HTT: variants seen among roughly 807,000 people sequenced by gnomAD.
HTT encodes the protein huntington disease protein.
In HTT, 104 loss-of-function variants were observed where a neutral mutation model predicts 362.3. That is an observed-to-expected ratio of 0.29 (90% CI 0.24 to 0.34). HTT has a LOEUF of 0.34. Among genes scored for constraint, HTT ranks in the 10% least tolerant of loss-of-function variants. HTT has a pLI of 1.00. For missense variants in HTT, 3,301 were observed against 3,928.6 expected, an observed-to-expected ratio of 0.84 and a Z score of 4.27; for synonymous variants, 1,577 against 1,548.7, an observed-to-expected ratio of 1.02 and a Z score of -0.43.
intron 65 of HTT, 67 bp downstream of exon 65, chr4:3,238,676 A>G (rs1721657857): frequency 1.3e-6 from 2 of 1,520,938 alleles, no homozygotes; most frequent in Non-Finnish European, 1.8e-6. Flanking sequence ...CCGACTTCCC[A>G]GCAGATTCGC....
chr4:3,146,961 A>G lies in HTT; in HGVS notation c.3295+13A>G. On this transcript the variant is annotated intron_variant, in intron 25 of 66. Coordinates refer to ENST00000355072, the MANE Select transcript of HTT (RefSeq NM_001388492.1). The stretch of plus-strand genomic sequence containing the variant: ...AACTTGCTTGCAGGTACTGGTACTG[A>G]GTTGAAACAGGGACTCCAGGACTTG... 1 of 1,613,944 alleles carries G rather than the reference A, an allele frequency of 6.2e-7. No homozygotes were observed. Among genetic ancestry groups the G allele is most frequent in the Non-Finnish European group, 8.5e-7 (1 of 1,179,806 alleles).
chr4:3,202,879 C>T (rs577057036), intron 41 of HTT: 11 of 152,372 alleles, frequency 7.2e-5, no homozygotes, highest in African/African-American at 2.6e-4. Context: ...ACAATCACGT[C>T]CCTGTAGTTC....
rs1287082355 is a variant in HTT at position 3,146,798 on chromosome 4, G to C, written c.3145G>C (p.Val1049Leu). The C allele has an allele frequency of 6.2e-7, 1 of 1,613,562 alleles. No individual in the cohort carries two copies. Among genetic ancestry groups the C allele is most frequent in the South Asian group, 1.1e-5 (1 of 91,076 alleles). ...GACTTTGCAAATGTCTGCTTCCAGAGTGCCTCCACTGAGTGCCTCAGATGA... is the reference window on the plus strand; with the variant it reads ...GACTTTGCAAATGTCTGCTTCCAGACTGCCTCCACTGAGTGCCTCAGATGA... ...CIWSLGWHCG[V>L]PPLSASDESR... The change falls in exon 25 of 67, where the codon GTG becomes CTG. Residue 1049 changes from valine (V) to leucine (L), a missense_variant and splice_region_variant. Physicochemically the swap from Val to Leu is conservative, Grantham distance 32. Transcript: ENST00000355072.
chr4:3,172,613 A>G (rs1718044841), intron 30 of HTT, among the ~76,000 whole-genome samples: 1 of 152,176 alleles, frequency 6.6e-6, no homozygotes, highest in African/African-American at 2.4e-5. Context: ...AGGGCAGAGG[A>G]CACCAGAAGC....
rs751132950 is a variant in HTT, at chr4:3,222,386, G to T, written c.7370-1G>T. The T allele has an allele frequency of 6.2e-7, 1 of 1,613,034 alleles. No individual in the cohort carries two copies. Among genetic ancestry groups the T allele is most frequent in the Non-Finnish European group, 8.5e-7 (1 of 1,179,076 alleles). On this transcript the variant is annotated splice_acceptor_variant, in intron 53 of 66. Transcript: ENST00000355072. LOFTEE classifies it high-confidence loss of function. Reference sequence around the variant, plus strand: ...CTCTCATGTAACATTTATATTTCTAGGCTGGACCAGTCGTACTCAGTTTGA... The same window carrying T: ...CTCTCATGTAACATTTATATTTCTATGCTGGACCAGTCGTACTCAGTTTGA...
chr4:3,115,339 A>G lies in HTT; in HGVS notation c.783A>G (p.Ser261=), dbSNP rs1330307491. 4 of 1,614,086 alleles carry G rather than the reference A, an allele frequency of 2.5e-6. No individual in the cohort carries two copies. The highest frequency in any genetic ancestry group is 3.4e-6 in the Non-Finnish European group (4 of 1,180,032). ...LLKAFIANLK[S]SSPTIRRTAA... ...AGGCCTTCATAGCGAACCTGAAGTCAAGCTCCCCCACCATTCGGCGGACAG... is the reference window on the plus strand; with the variant it reads ...AGGCCTTCATAGCGAACCTGAAGTCGAGCTCCCCCACCATTCGGCGGACAG... The change falls in exon 7 of 67, where the codon TCA becomes TCG. Residue 261 remains serine (S), a synonymous_variant. Coordinates refer to ENST00000355072, the MANE Select transcript of HTT (RefSeq NM_001388492.1).
chr4:3,233,220 C>T lies in HTT; in HGVS notation c.8323C>T (p.His2775Tyr), dbSNP rs762976117. Residue 2775 changes from histidine to tyrosine, a missense_variant, in exon 61 of 67, where the codon CAC (histidine) becomes TAC (tyrosine). By Grantham distance (83) the His-to-Tyr change is moderately conservative. Coordinates refer to ENST00000355072, the MANE Select transcript of HTT (RefSeq NM_001388492.1). ...RLLESTLRSS[H>Y]LPSRVGALHG... ...GCTGGAGAGCACGCTCAGGAGCAGC[C>T]ACCTGCCCAGCAGGGTTGGAGCCCT... 3.7e-6 allele frequency: 6 copies of T among 1,603,058 alleles called. No homozygotes were observed. Among genetic ancestry groups the T allele is most frequent in the Non-Finnish European group, 5.1e-6 (6 of 1,171,366 alleles).
Position 3,182,461 on chromosome 4 carries a change from C to A in HTT, c.4857C>A (p.Ala1619=). The change falls in exon 37 of 67, where the codon GCC becomes GCA. Residue 1619 remains alanine, a synonymous_variant. Coordinates refer to ENST00000355072, the MANE Select transcript of HTT (RefSeq NM_001388492.1). ...CTGACATCATCCTCCCAATGTTAGC[C>A]AAACAGCAGGTTTGTCCCCGCAGCC... is the stretch of plus-strand genomic sequence containing the variant. The part of the protein sequence containing the change: ...QIADIILPML[A]KQQMHIDSHE... 6.2e-7 allele frequency: 1 copy of A among 1,609,602 alleles called. No homozygotes were observed. The highest frequency in any genetic ancestry group is 1.1e-5 in the South Asian group (1 of 90,956).
At chr4:3,082,227 G>A (rs927627093) in intron 1 of HTT, among the ~76,000 whole-genome samples, 1 of 152,106 alleles carries the variant, frequency 6.6e-6, no homozygotes, top group Non-Finnish European at 1.5e-5. Flanking sequence ...AGGACTTTTG[G>A]AGATGTAAAG....
chr4:3,118,630 G>A (rs116257298), intron 8 of HTT, among the ~76,000 whole-genome samples: 1,566 of 152,292 alleles, frequency 0.01, 42 homozygotes, highest in Admixed American at 0.052. Flanking sequence ...TAGCAAGAGT[G>A]CTGGTTACGG....
Position 3,238,498 on chromosome 4 carries a change from C to G in HTT, c.8943C>G (p.Pro2981=). ...CEARVVARIL[P]QFLDDFFPPQ... ...CCAGAGTGGTGGCCAGGATCCTGCC[C>G]CAGTTTCTAGACGACTTCTTCCCAC... Residue 2981 remains proline (P), a synonymous_variant, in exon 65 of 67, where the codon CCC becomes CCG. Transcript: ENST00000355072. 1 of 1,613,288 alleles carries G rather than the reference C, an allele frequency of 6.2e-7. No homozygotes were observed. Among genetic ancestry groups the G allele is most frequent in the Non-Finnish European group, 8.5e-7 (1 of 1,179,630 alleles).
At chr4:3,160,440 G>A (rs1278021788) in intron 29 of HTT, 48 bp downstream of exon 29, 1 of 1,264,636 alleles carries the variant, frequency 7.9e-7, no homozygotes, top group African/African-American at 1.5e-5. Context: ...CACACTTGAT[G>A]TGCGTCTTCT....
chr4:3,111,275 C>T (rs944242028), intron 6 of HTT, among the ~76,000 whole-genome samples: 1 of 151,580 alleles, frequency 6.6e-6, no homozygotes, highest in African/African-American at 2.4e-5. Context: ...CTCACTTAAG[C>T]CTCTGCCTCC....
intron 2 of HTT, among the ~76,000 whole-genome samples, chr4:3,098,175 C>A (rs990883976): frequency 3.3e-5 from 5 of 152,156 alleles, no homozygotes; most frequent in African/African-American, 1.2e-4. Flanking sequence ...TTTCAAAGAC[C>A]TTTCCTCAGT....
chr4:3,135,382 C>T (rs1167267501), intron 19 of HTT, among the ~76,000 whole-genome samples: 3 of 148,540 alleles, frequency 2.0e-5, no homozygotes, highest in Non-Finnish European at 4.5e-5. Flanking sequence ...GTAGTTTTGG[C>T]TGGAGAAGTT....
At position 3,186,690 on chromosome 4, in the gene HTT, C is replaced by A; in HGVS notation, c.4960C>A (p.Arg1654=). The A allele has an allele frequency of 1.2e-6, 2 of 1,613,560 alleles. No homozygotes were observed. The highest frequency in any genetic ancestry group is 1.7e-6 in the Non-Finnish European group (2 of 1,179,616). Residue 1654 remains arginine, a synonymous_variant, in exon 38 of 67, where the codon CGG becomes AGG. Transcript: ENST00000355072. ...CCTCCGTCCGGTAGACATGCTTTTACGGAGTATGTTCGTCACTCCAAACAC... is the reference window on the plus strand; with the variant it reads ...CCTCCGTCCGGTAGACATGCTTTTAAGGAGTATGTTCGTCACTCCAAACAC... ...SSLRPVDMLL[R]SMFVTPNTMA...
intron 5 of HTT, among the ~76,000 whole-genome samples, chr4:3,105,726 G>T (rs1025644536): frequency 2.0e-5 from 3 of 152,242 alleles, no homozygotes; most frequent in Non-Finnish European, 2.9e-5. Flanking sequence ...CAGCCCAGCA[G>T]CGATAACAGT....
chr4:3,105,720 C>G (rs965469204), intron 5 of HTT, among the ~76,000 whole-genome samples: 1 of 152,150 alleles, frequency 6.6e-6, no homozygotes, highest in African/African-American at 2.4e-5. Context: ...CTGTTGCAGC[C>G]CAGCAGCGAT....
chr4:3,111,876 A>G (rs1714769247), intron 6 of HTT, among the ~76,000 whole-genome samples: 1 of 152,104 alleles, frequency 6.6e-6, no homozygotes, highest in South Asian at 2.1e-4. Flanking sequence ...TTTCAGATGT[A>G]TGTGGCGCCT....
Sources: gnomAD v4.1 joint callset for allele counts (sites outside exome capture counted in the v4.1 genomes callset) on GRCh38, gnomAD v4.1.1 for gene constraint, MANE v1.5 for transcripts, NCBI Gene and HGNC (gene_info 2026-07-23, HGNC 2026-07-21) for gene names.